The following ZNF516 variants were observed in gnomAD, a reference collection of about 807,000 sequenced individuals.
ZNF516 encodes zinc finger protein 516.
Under a neutral mutation model 79.7 loss-of-function variants are expected in ZNF516, and 19 were observed. That is an observed-to-expected ratio of 0.24 (90% CI 0.17 to 0.35). The LOEUF is 0.35. ZNF516 is among the 10% of genes least tolerant of loss of function. The pLI, the probability that ZNF516 is intolerant of heterozygous loss-of-function variation, is 1.00. For missense variants in ZNF516, 1,678 were observed against 1,679.5 expected (o/e 1.00, Z 0.02); for synonymous variants, 877 against 739.5 (o/e 1.19, Z -3.02).
chr18:76,484,565 T>C (rs1023913795), intron 1 of ZNF516, among the ~76,000 whole-genome samples: 1 of 152,172 alleles, frequency 6.6e-6, no homozygotes, highest in African/African-American at 2.4e-5. Flanking sequence ...TAAATGGAGT[T>C]TTCGTGGGTC....
intron 1 of ZNF516, among the ~76,000 whole-genome samples, chr18:76,487,369 T>G (rs1914890234): frequency 6.6e-6 from 1 of 152,238 alleles, no homozygotes; most frequent in African/African-American, 2.4e-5. Flanking sequence ...TCGTACACTG[T>G]AGTGGATGCT....
intron 1 of ZNF516, chr18:76,492,564 C>G: frequency 2.7e-6 from 1 of 365,702 alleles, no homozygotes; most frequent in Non-Finnish European, 3.8e-6. Context: ...CACTTTTCTA[C>G]GGAGTTCACA....
At chr18:76,418,250 C>A (rs540638446) in intron 3 of ZNF516, among the ~76,000 whole-genome samples, 9 of 152,262 alleles carry the variant, frequency 5.9e-5, no homozygotes, top group Admixed American at 5.2e-4. Flanking sequence ...CTATAACACA[C>A]TAACATACAC....
chr18:76,402,793 A>AT (rs1319604341), intron 3 of ZNF516, among the ~76,000 whole-genome samples: 1 of 152,242 alleles, frequency 6.6e-6, no homozygotes, highest in Non-Finnish European at 1.5e-5. Flanking sequence ...GCTTGAGCTG[A>AT]TGCCCTCCGT....
intron 1 of ZNF516, among the ~76,000 whole-genome samples, chr18:76,473,619 G>A (rs1240182399): frequency 5.3e-5 from 8 of 152,070 alleles, no homozygotes; most frequent in Admixed American, 5.2e-4. Flanking sequence ...AGCTAACACG[G>A]TGAAACCCTG....
At chr18:76,410,036 C>T (rs749731655) in intron 3 of ZNF516, among the ~76,000 whole-genome samples, 2 of 152,168 alleles carry the variant, frequency 1.3e-5, no homozygotes, top group Admixed American at 1.3e-4. Flanking sequence ...GTAAGATGTG[C>T]CTTTGCTCTT....
chr18:76,467,139 G>GAAATGATTTGGGC lies in ZNF516; in HGVS notation c.-271-3999_-271-3998insGCCCAAATCATTT. 6.8e-6 allele frequency among the ~76,000 whole-genome samples: 1 copy of GAAATGATTTGGGC among 147,996 alleles called. No homozygotes were observed. The highest frequency in any genetic ancestry group is 2.5e-5 in the African/African-American group (1 of 39,606). On this transcript the variant is annotated intron_variant, in intron 1 of 6. Coordinates refer to ENST00000443185, the MANE Select transcript of ZNF516 (RefSeq NM_014643.4). The surrounding 1 kb of genome is among the most constrained non-coding windows in gnomAD (Gnocchi z 4.2). ...GGCAGGAAGTCCTGCGTGTCTCTCG[G>GAAATGATTTGGGC]AACCTGCAGCTCACAGCCCTTCTGG...
chr18:76,416,253 C>G (rs2075432166), intron 3 of ZNF516, among the ~76,000 whole-genome samples: 1 of 152,216 alleles, frequency 6.6e-6, no homozygotes, highest in Non-Finnish European at 1.5e-5. Context: ...GCCGGTTCCC[C>G]AGGCAGGACT....
intron 1 of ZNF516, among the ~76,000 whole-genome samples, chr18:76,479,287 C>A (rs550514169): frequency 6.6e-6 from 1 of 152,286 alleles, no homozygotes; most frequent in South Asian, 2.1e-4. Flanking sequence ...ACAGAACGTC[C>A]CTGTGAACAC....
At chr18:76,377,718 T>TTTTTTTA (rs2074810974) in intron 4 of ZNF516, among the ~76,000 whole-genome samples, 2 of 149,590 alleles carry the variant, frequency 1.3e-5, no homozygotes, top group Admixed American at 6.6e-5. Context: ...CAACGTTATT[T>TTTTTTTA]TTTTTTTTTT....
At chr18:76,377,923 G>C (rs2068207793) in intron 4 of ZNF516, 1 of 151,924 alleles carries the variant, frequency 6.6e-6, no homozygotes, top group Admixed American at 6.6e-5. Context: ...TCACTATATT[G>C]ACCAGGCTGG....
rs898040672 is a variant in ZNF516 at position 76,361,539 on chromosome 18, G to A, written c.*959C>T. ...AAGAGTGGGGACAGAAGGCGCCAGA[G>A]CTCAGCACCCTAGTCATCTAGGGCA... is the stretch of plus-strand genomic sequence containing the variant. On this transcript the variant is annotated 3_prime_UTR_variant, in exon 7 of 7. Transcript: ENST00000443185. 1.3e-5 allele frequency: 2 copies of A among 152,230 alleles called. No homozygotes were observed. The highest frequency in any genetic ancestry group is 4.8e-5 in the African/African-American group (2 of 41,452). The allele number at this position is 152,230 out of a possible 1,614,324, so 9.4% of individuals were successfully genotyped here. A position where few individuals can be genotyped will look rare whatever the true frequency, so the allele number is the denominator to read the frequency against.
At chr18:76,373,752 T>C (rs1040965482) in intron 4 of ZNF516, among the ~76,000 whole-genome samples, 2 of 152,248 alleles carry the variant, frequency 1.3e-5, no homozygotes, top group African/African-American at 4.8e-5. Context: ...CGCTCACAAG[T>C]GCACACACAC....
At chr18:76,478,871 C>T (rs1160158145) in intron 1 of ZNF516, among the ~76,000 whole-genome samples, 1 of 152,146 alleles carries the variant, frequency 6.6e-6, no homozygotes, top group Admixed American at 6.5e-5. Flanking sequence ...GCCTGGCCAA[C>T]ATGGCAAAAC....
chr18:76,491,617 C>T, intron 1 of ZNF516: 4 of 362,222 alleles, frequency 1.1e-5, no homozygotes, highest in Non-Finnish European at 1.5e-5. Context: ...TCCGCCCCTT[C>T]CCGCCCCGCC....
chr18:76,380,345 A>G, intron 3 of ZNF516, 42 bp from the exon 4 acceptor site: 1 of 1,595,256 alleles, frequency 6.3e-7, no homozygotes, highest in Middle Eastern at 1.7e-4. Context: ...ACCATTTCTC[A>G]TCAGAACACA....
intron 4 of ZNF516, among the ~76,000 whole-genome samples, chr18:76,374,547 G>A (rs1056434435): frequency 1.8e-4 from 27 of 152,106 alleles, no homozygotes; most frequent in Non-Finnish European, 1.5e-4. Context: ...TGAGACTTCC[G>A]TTTCCTAACT....
At chr18:76,489,617 G>A (rs1915042350) in intron 1 of ZNF516, among the ~76,000 whole-genome samples, 1 of 147,872 alleles carries the variant, frequency 6.8e-6, no homozygotes, top group Non-Finnish European at 1.5e-5. Flanking sequence ...AGTTAGAAAT[G>A]TAGGACTTCA....
intron 3 of ZNF516, among the ~76,000 whole-genome samples, chr18:76,424,478 C>A (rs2075560719): frequency 6.7e-6 from 1 of 148,486 alleles, no homozygotes; most frequent in East Asian, 2.0e-4. Context: ...TGAAAAGGTT[C>A]CCACATGAAA....
Sources: allele counts gnomAD v4.1 joint callset (sites outside exome capture counted in the v4.1 genomes callset), GRCh38; gene constraint gnomAD v4.1.1; non-coding constraint Gnocchi (gnomAD v3.1); transcripts MANE v1.5; gene names NCBI Gene and HGNC (gene_info 2026-07-23, HGNC 2026-07-21).